Variants in BCAT1 observed in about 807,000 individuals in gnomAD.
BCAT1 encodes the protein branched chain amino acid transaminase 1.
A neutral mutation model predicts 52.4 loss-of-function variants in BCAT1; 48 were observed. The observed-to-expected ratio is 0.92, with a 90% CI of 0.73 to 1.16. BCAT1 has a LOEUF of 1.16. Among genes scored for constraint, BCAT1 ranks in the 50% most tolerant of loss-of-function variants. The probability of loss-of-function intolerance (pLI) is 0.00; values close to 1 mark genes in which losing one functional copy is unlikely to be tolerated. For missense variants in BCAT1, 451 were observed against 457.1 expected (o/e 0.99, Z 0.12); for synonymous variants, 167 against 161.3 (o/e 1.04, Z -0.27).
intron 3 of BCAT1, among the ~76,000 whole-genome samples, chr12:24,882,174 C>T (rs1047552237): frequency 6.6e-6 from 1 of 152,214 alleles, no homozygotes; most frequent in Non-Finnish European, 1.5e-5. Flanking sequence ...AACTCTTACA[C>T]AGACCAGCTG....
chr12:24,925,823 C>T (rs1384467564), intron 1 of BCAT1, among the ~76,000 whole-genome samples: 15 of 152,324 alleles, frequency 9.8e-5, no homozygotes, highest in South Asian at 2.1e-4. Context: ...AGCTCCTAAC[C>T]GGGAGTGATC....
chr12:24,851,424 C>G (rs1941506598), intron 5 of BCAT1, among the ~76,000 whole-genome samples: 1 of 152,198 alleles, frequency 6.6e-6, no homozygotes, highest in African/African-American at 2.4e-5. Context: ...ACACTCAGAT[C>G]ACCAAAATCA....
intron 4 of BCAT1, among the ~76,000 whole-genome samples, chr12:24,879,031 AC>A (rs1445603911): frequency 6.6e-6 from 1 of 152,114 alleles, no homozygotes; most frequent in African/African-American, 2.4e-5. Flanking sequence ...ATCTTACCAT[AC>A]CCCCCAATCA....
chr12:24,839,408 CAA>C (rs1257212234), intron 7 of BCAT1, among the ~76,000 whole-genome samples: 7 of 152,176 alleles, frequency 4.6e-5, no homozygotes, highest in Non-Finnish European at 7.3e-5. Context: ...GTTGTTTTCC[CAA>C]AGTGACTGTG....
chr12:24,931,153 C>T (rs536543795), intron 1 of BCAT1, among the ~76,000 whole-genome samples: 31 of 152,138 alleles, frequency 2.0e-4, no homozygotes, highest in Admixed American at 4.6e-4. Flanking sequence ...ATCCACTCCC[C>T]GCTCAGCCTT....
rs768988173 is a variant in BCAT1 at position 24,881,351 on chromosome 12, T to C, written c.340A>G (p.Asn114Asp). The change falls in exon 4 of 11, where the codon AAC becomes GAC. Residue 114 changes from asparagine (N) to aspartate (D), a missense_variant. By Grantham distance (23) the Asn-to-Asp change is conservative. Coordinates refer to ENST00000261192, the MANE Select transcript of BCAT1 (RefSeq NM_005504.7). ...CGATACATTCTATCCATGTTGAGGT[T>C]TGGCTGAAACAGTCGAATTTTATTA... is the stretch of plus-strand genomic sequence containing the variant. Reference protein sequence around the residue: ...VDNKIRLFQPNLNMDRMYRSA... With the variant: ...VDNKIRLFQPDLNMDRMYRSA... 1.9e-6 allele frequency: 3 copies of C among 1,613,624 alleles called. No individual in the cohort carries two copies. The highest frequency in any genetic ancestry group is 2.5e-6 in the Non-Finnish European group (3 of 1,179,560).
intron 1 of BCAT1, among the ~76,000 whole-genome samples, chr12:24,943,725 C>G (rs1363980280): frequency 1.3e-5 from 2 of 152,166 alleles, no homozygotes; most frequent in Non-Finnish European, 2.9e-5. Flanking sequence ...TGGCTCACGC[C>G]TGTAATCCCA....
chr12:24,878,814 T>C (rs6487437), intron 4 of BCAT1, among the ~76,000 whole-genome samples, 165 bp from the exon 5 acceptor site: 83,820 of 152,064 alleles, frequency 0.55, 24,047 homozygotes, highest in East Asian at 0.78. Context: ...AATTTTTATT[T>C]ATTTCTTTCT....
In BCAT1 at chr12:24,889,253, G is replaced by A. The variant is rs549257747; in HGVS notation, c.279+5022C>T. Among the ~76,000 whole-genome samples the A allele has an allele frequency of 6.6e-5, 10 of 152,238 alleles. No individual in the cohort carries two copies. In the East Asian group the frequency reaches 1.7e-3, roughly 26 times the overall value. On this transcript the variant is annotated intron_variant, in intron 3 of 10. Transcript: ENST00000261192. ...CTAAATTTTCCTGGCACAAAATGAC[G>A]AACCCCAAGGTATATACCCCAGACA...
At chr12:24,915,089 A>C (rs928596462) in intron 1 of BCAT1, among the ~76,000 whole-genome samples, 2 of 152,150 alleles carry the variant, frequency 1.3e-5, no homozygotes, top group African/African-American at 4.8e-5. Context: ...CTTAAAGTGC[A>C]GTAAGAATGG....
At chr12:24,839,541 T>G (rs1219369476) in intron 7 of BCAT1, among the ~76,000 whole-genome samples, 1 of 152,160 alleles carries the variant, frequency 6.6e-6, no homozygotes, top group East Asian at 1.9e-4. Flanking sequence ...ATCAACAGAG[T>G]GATGATGTGT....
At chr12:24,933,610 G>A (rs576909837) in intron 1 of BCAT1, among the ~76,000 whole-genome samples, 1 of 152,234 alleles carries the variant, frequency 6.6e-6, no homozygotes, top group Admixed American at 6.5e-5. Context: ...GATCTTGGGG[G>A]TGAATAGTGA....
At chr12:24,910,787 T>C (rs796272500) in intron 1 of BCAT1, among the ~76,000 whole-genome samples, 6 of 152,160 alleles carry the variant, frequency 3.9e-5, no homozygotes, top group South Asian at 4.1e-4. Context: ...TTTAATCTCA[T>C]GATATGGTTA....
chr12:24,836,835 AAGGAGAGAGAG>A (rs780210286), intron 7 of BCAT1, among the ~76,000 whole-genome samples: 11 of 137,160 alleles, frequency 8.0e-5, no homozygotes, highest in South Asian at 4.8e-4. Flanking sequence ...GGAAGGAAGG[AAGGAGAGAGAG>A]AGAAAGAAAG....
chr12:24,822,263 G>A (rs1184712687), intron 10 of BCAT1, among the ~76,000 whole-genome samples: 1 of 152,194 alleles, frequency 6.6e-6, no homozygotes, highest in Non-Finnish European at 1.5e-5. Flanking sequence ...GAGTTATGTG[G>A]ACAATTAGCT....
At chr12:24,847,883 G>A (rs1941393011) in intron 6 of BCAT1, among the ~76,000 whole-genome samples, 1 of 152,138 alleles carries the variant, frequency 6.6e-6, no homozygotes, top group Non-Finnish European at 1.5e-5. Context: ...ACTTAATTAG[G>A]TTTACAGATG....
chr12:24,934,457 T>G (rs1468306222), intron 1 of BCAT1, among the ~76,000 whole-genome samples: 3 of 152,238 alleles, frequency 2.0e-5, no homozygotes, highest in Non-Finnish European at 4.4e-5. Flanking sequence ...CAGTGTCTGA[T>G]GCTTACATAA....
intron 5 of BCAT1, among the ~76,000 whole-genome samples, chr12:24,853,278 TG>T (rs1941570069): frequency 6.6e-6 from 1 of 152,180 alleles, no homozygotes; most frequent in South Asian, 2.1e-4. Context: ...TAAAAAAGAA[TG>T]AACTCATGTC....
rs569277827 is a variant in BCAT1 at position 24,880,781 on chromosome 12, C to T, written c.390+520G>A. Among the ~76,000 whole-genome samples the T allele has an allele frequency of 3.3e-5, 5 of 151,914 alleles. No individual in the cohort carries two copies. The East Asian group carries it at 9.7e-4, about 29-fold the overall frequency. ...CACTTGCATATGAATCCCCCACAGA[C>T]ACTGATTTTAAAAAATTGTGGAATT... On this transcript the variant is annotated intron_variant, in intron 4 of 10. Transcript: ENST00000261192.
Sources: gnomAD v4.1 joint callset for allele counts (sites outside exome capture counted in the v4.1 genomes callset) on GRCh38, gnomAD v4.1.1 for gene constraint, MANE v1.5 for transcripts, NCBI Gene and HGNC (gene_info 2026-07-23, HGNC 2026-07-21) for gene names.